Variants in TRERF1 observed in about 807,000 individuals in gnomAD.
TRERF1 encodes the protein transcriptional regulating factor 1, also known as transcriptional-regulating factor 1.
Under a neutral mutation model 122.9 loss-of-function variants are expected in TRERF1, and 27 were observed. The ratio of observed to expected loss-of-function variants is 0.22; its 90% CI spans 0.16 to 0.30. The LOEUF (loss-of-function observed/expected upper bound fraction) is 0.30, where lower values mean the gene tolerates loss of function less well. Ranked by LOEUF, TRERF1 falls within the 10% of genes least tolerant of loss-of-function variation. The pLI, the probability that TRERF1 is intolerant of heterozygous loss-of-function variation, is 1.00. For synonymous variants in TRERF1, 636 were observed against 641.7 expected, an observed-to-expected ratio of 0.99 and a Z score of 0.13; for missense variants, 1,248 against 1,560.3, an observed-to-expected ratio of 0.80 and a Z score of 3.37.
intron 5 of TRERF1, among the ~76,000 whole-genome samples, chr6:42,266,188 C>CT (rs34950753): frequency 0.31 from 39,568 of 128,114 alleles, 6,892 homozygotes; most frequent in East Asian, 0.6. Context: ...TGATGGAATT[C>CT]TTTTTTTTTT....
chr6:42,424,815 G>A (rs1401292785), intron 2 of TRERF1, among the ~76,000 whole-genome samples: 3 of 152,110 alleles, frequency 2.0e-5, no homozygotes, highest in Admixed American at 6.5e-5. Flanking sequence ...GCCTAACTCC[G>A]TACACTTTTC....
At chr6:42,423,231 G>A (rs1054354136) in intron 2 of TRERF1, among the ~76,000 whole-genome samples, 6 of 152,150 alleles carry the variant, frequency 3.9e-5, no homozygotes, top group Admixed American at 1.3e-4. Context: ...AACTCTACTC[G>A]AAAAGCTGGT....
intron 2 of TRERF1, among the ~76,000 whole-genome samples, chr6:42,430,232 A>G (rs1272398338): frequency 6.6e-6 from 1 of 152,046 alleles, no homozygotes; most frequent in Non-Finnish European, 1.5e-5. Flanking sequence ...CCATCCCATC[A>G]TTCTTCCTGG....
At position 42,296,589 on chromosome 6, in the gene TRERF1, G is replaced by A. The variant is rs545594791; in HGVS notation, c.-259+4049C>T. Among the ~76,000 whole-genome samples, 10 of 152,234 alleles carry A rather than the reference G, an allele frequency of 6.6e-5. No homozygotes were observed. In the East Asian group the frequency reaches 1.9e-3, roughly 29 times the overall value. On this transcript the variant is annotated intron_variant, in intron 4 of 17. Coordinates refer to ENST00000372922, the Ensembl canonical transcript of TRERF1. Reference sequence around the variant, plus strand: ...TTCAGCTGTTAAGTGGCAGAGGTAGGTTCAAACTCAGCTCTTTCTCCCTGC... The same window carrying A: ...TTCAGCTGTTAAGTGGCAGAGGTAGATTCAAACTCAGCTCTTTCTCCCTGC...
chr6:42,321,610 G>C (rs1763478149), intron 3 of TRERF1, among the ~76,000 whole-genome samples: 1 of 152,196 alleles, frequency 6.6e-6, no homozygotes, highest in South Asian at 2.1e-4. Context: ...TCAGGTATTG[G>C]AACACTTGCA....
At chr6:42,310,273 A>G (rs1309594434) in intron 3 of TRERF1, among the ~76,000 whole-genome samples, 1 of 152,154 alleles carries the variant, frequency 6.6e-6, no homozygotes, top group Admixed American at 6.5e-5. Flanking sequence ...CCCGGCCTAC[A>G]CATTTTAAGA....
chr6:42,441,999 G>A (rs1786610264), intron 2 of TRERF1, among the ~76,000 whole-genome samples: 1 of 152,118 alleles, frequency 6.6e-6, no homozygotes, highest in Non-Finnish European at 1.5e-5. Context: ...TTCTAAAGAA[G>A]CTCAGACTCT....
chr6:42,402,630 C>G (rs947665134), intron 2 of TRERF1, among the ~76,000 whole-genome samples: 2 of 152,226 alleles, frequency 1.3e-5, no homozygotes, highest in Middle Eastern at 3.4e-3. Flanking sequence ...CAAATGTCTA[C>G]CCTTCTGAAT....
At chr6:42,225,121 T>A (rs549106001), downstream of TRERF1, 19 of 148,960 alleles carry the variant, frequency 1.3e-4, no homozygotes, top group Non-Finnish European at 2.4e-4. Flanking sequence ...GGTTCCCTTT[T>A]TGAAGAAGCA....
At chr6:42,292,479 T>A (rs1784458671) in intron 4 of TRERF1, among the ~76,000 whole-genome samples, 1 of 152,162 alleles carries the variant, frequency 6.6e-6, no homozygotes, top group Non-Finnish European at 1.5e-5. Flanking sequence ...AAGGCCATAG[T>A]TCGTTCAGTA....
At position 42,326,545 on chromosome 6, in the gene TRERF1, T is replaced by C. The variant is rs111653558; in HGVS notation, c.-370-25796A>G. Reference sequence around the variant, plus strand: ...CTGGAGACCAAAGCCTCCCCTCACATATAATCCAGGAGGATGGGGCCAGAC... The same window carrying C: ...CTGGAGACCAAAGCCTCCCCTCACACATAATCCAGGAGGATGGGGCCAGAC... On this transcript the variant is annotated intron_variant, in intron 3 of 17. Coordinates refer to ENST00000372922, the Ensembl canonical transcript of TRERF1. 8.7e-4 allele frequency among the ~76,000 whole-genome samples: 133 copies of C among 152,280 alleles called. 1 individual carries two copies. The highest frequency in any genetic ancestry group is 3.4e-3 in the Middle Eastern group (1 of 294).
chr6:42,371,814 CA>C (rs1351189410), intron 2 of TRERF1, among the ~76,000 whole-genome samples: 1 of 152,168 alleles, frequency 6.6e-6, no homozygotes, highest in Non-Finnish European at 1.5e-5. Flanking sequence ...CTCATCTGCT[CA>C]GGGGGAAATC....
chr6:42,320,185 C>T (rs1043990126), intron 3 of TRERF1, among the ~76,000 whole-genome samples: 9 of 152,122 alleles, frequency 5.9e-5, no homozygotes, highest in Non-Finnish European at 7.3e-5. Flanking sequence ...AGGCATGAGC[C>T]ACCGCACCCA....
intron 3 of TRERF1, among the ~76,000 whole-genome samples, chr6:42,313,702 T>C (rs769739752): frequency 1.8e-4 from 27 of 152,162 alleles, no homozygotes; most frequent in African/African-American, 2.9e-4. Context: ...GGAGAACCTA[T>C]TGGGGAGGCT....
rs563826061 is a variant in TRERF1, at chr6:42,413,505, C to T, written c.-454+37672G>A. 3.3e-5 allele frequency among the ~76,000 whole-genome samples: 5 copies of T among 149,882 alleles called. No individual in the cohort carries two copies. The East Asian group carries it at 9.8e-4, about 29-fold the overall frequency. ...AGTGCAGAGGCACTATCTCAGCTCACTGCAACCTCCGCCTCTTGGGTTCAA... is the reference window on the plus strand; with the variant it reads ...AGTGCAGAGGCACTATCTCAGCTCATTGCAACCTCCGCCTCTTGGGTTCAA... On this transcript the variant is annotated intron_variant, in intron 2 of 17. Transcript: ENST00000372922.
At chr6:42,383,314 C>T (rs1192817977) in intron 2 of TRERF1, among the ~76,000 whole-genome samples, 1 of 152,156 alleles carries the variant, frequency 6.6e-6, no homozygotes, top group Non-Finnish European at 1.5e-5. Flanking sequence ...TCCTATTTCT[C>T]CTGACTTCTG....
At chr6:42,413,948 G>T (rs967527245) in intron 2 of TRERF1, among the ~76,000 whole-genome samples, 1 of 152,102 alleles carries the variant, frequency 6.6e-6, no homozygotes, top group Non-Finnish European at 1.5e-5. Flanking sequence ...AAAATTTTTC[G>T]TGAAATTAAT....
chr6:42,282,425 G>A (rs1365840490), intron 4 of TRERF1, among the ~76,000 whole-genome samples: 1 of 152,172 alleles, frequency 6.6e-6, no homozygotes, highest in African/African-American at 2.4e-5. Context: ...GTGCACACTT[G>A]TAGTCCCAGC....
At chr6:42,282,805 T>C (rs1782524890) in intron 4 of TRERF1, among the ~76,000 whole-genome samples, 1 of 152,224 alleles carries the variant, frequency 6.6e-6, no homozygotes, top group Non-Finnish European at 1.5e-5. Context: ...ACTGAATTAG[T>C]GAATACTGAG....
Sources: allele counts gnomAD v4.1 joint callset (sites outside exome capture counted in the v4.1 genomes callset), GRCh38; gene constraint gnomAD v4.1.1; transcripts MANE v1.5; gene names NCBI Gene and HGNC (gene_info 2026-07-23, HGNC 2026-07-21).